The following ADAMTSL1 variants were observed in gnomAD, a reference collection of about 807,000 sequenced individuals.
ADAMTSL1 encodes the protein ADAMTS-like protein 1.
Under a neutral mutation model 201.8 loss-of-function variants are expected in ADAMTSL1, and 126 were observed. The ratio of observed to expected loss-of-function variants is 0.62; its 90% CI spans 0.54 to 0.72. The LOEUF is 0.72. Ranked by LOEUF, ADAMTSL1 falls within the 30% of genes least tolerant of loss-of-function variation. The pLI is 0.00. For missense variants in ADAMTSL1, 2,679 were observed against 2,277.8 expected (o/e 1.18, Z -3.59); for synonymous variants, 1,121 against 903.4 (o/e 1.24, Z -4.32).
chr9:18,243,311 C>G (rs1056042168), intron 2 of ADAMTSL1, among the ~76,000 whole-genome samples: 1 of 152,024 alleles, frequency 6.6e-6, no homozygotes, highest in Non-Finnish European at 1.5e-5. Context: ...AAATATTACT[C>G]CTTCTTCTCT....
intron 2 of ADAMTSL1, among the ~76,000 whole-genome samples, chr9:18,168,137 AAG>A (rs1395366688): frequency 7.9e-5 from 12 of 151,878 alleles, no homozygotes; most frequent in Non-Finnish European, 1.6e-4. Flanking sequence ...TTAATACTTT[AAG>A]TTTTAGGATA....
chr9:18,781,085 G>A (rs138589331), intron 19 of ADAMTSL1, among the ~76,000 whole-genome samples: 53 of 152,144 alleles, frequency 3.5e-4, no homozygotes, highest in African/African-American at 1.3e-3. Context: ...TACCTTAATG[G>A]GCATTGAGAG....
chr9:18,602,926 T>C (rs1256633072), intron 4 of ADAMTSL1, among the ~76,000 whole-genome samples: 1 of 152,192 alleles, frequency 6.6e-6, no homozygotes, highest in East Asian at 1.9e-4. Context: ...GATACTTACT[T>C]TCTAAATACT....
chr9:18,302,314 A>G (rs1417758735), intron 2 of ADAMTSL1, among the ~76,000 whole-genome samples: 1 of 152,146 alleles, frequency 6.6e-6, no homozygotes, highest in Non-Finnish European at 1.5e-5. Flanking sequence ...CTCTCTGTCC[A>G]GCCCCACCCC....
intron 20 of ADAMTSL1, among the ~76,000 whole-genome samples, chr9:18,813,691 G>C (rs1440682015): frequency 6.6e-6 from 1 of 152,096 alleles, no homozygotes; most frequent in Non-Finnish European, 1.5e-5. Flanking sequence ...TACTGAATTT[G>C]TTTGTTCTAA....
intron 2 of ADAMTSL1, among the ~76,000 whole-genome samples, chr9:18,344,797 C>T (rs1028972314): frequency 6.6e-6 from 1 of 152,078 alleles, no homozygotes; most frequent in African/African-American, 2.4e-5. Context: ...GGCGCCAAGT[C>T]TAAACACACC....
chr9:17,920,382 AT>A (rs1826257838), intron 1 of ADAMTSL1, among the ~76,000 whole-genome samples: 1 of 152,166 alleles, frequency 6.6e-6, no homozygotes, highest in African/African-American at 2.4e-5. Flanking sequence ...GAACTGGCCT[AT>A]TTCATAGATT....
intron 2 of ADAMTSL1, among the ~76,000 whole-genome samples, chr9:18,208,109 A>G (rs963563756): frequency 2.6e-5 from 4 of 152,172 alleles, no homozygotes; most frequent in African/African-American, 9.7e-5. Context: ...TGTTAGGGGT[A>G]CAAAAATAGT....
chr9:18,513,211 A>C lies in ADAMTSL1; in HGVS notation c.191+8255A>C, dbSNP rs145647885. Among the ~76,000 whole-genome samples, 1,374 of 152,230 alleles carry C rather than the reference A, an allele frequency of 9.0e-3. 12 individuals are homozygous for C. Among genetic ancestry groups the C allele is most frequent in the Non-Finnish European group, 0.012 (837 of 68,018 alleles). On this transcript the variant is annotated intron_variant, in intron 2 of 28. Coordinates refer to ENST00000380548, the MANE Select transcript of ADAMTSL1 (RefSeq NM_001040272.6). Reference sequence around the variant, plus strand: ...CCAAATTTGAAGTGTTCTATACAGTATTGTTAACTACACCAGCAGTGCTGT... The same window carrying C: ...CCAAATTTGAAGTGTTCTATACAGTCTTGTTAACTACACCAGCAGTGCTGT...
intron 4 of ADAMTSL1, among the ~76,000 whole-genome samples, chr9:18,574,832 AT>A (rs1822606330): frequency 6.6e-6 from 1 of 152,176 alleles, no homozygotes; most frequent in South Asian, 2.1e-4. Context: ...AAAAGGTTTG[AT>A]TTCTGGTATC....
At chr9:17,989,933 T>C (rs967647564) in intron 1 of ADAMTSL1, among the ~76,000 whole-genome samples, 44 of 151,524 alleles carry the variant, frequency 2.9e-4, no homozygotes, top group African/African-American at 8.7e-4. Flanking sequence ...TTTTTTTTTT[T>C]CCCAAACGTA....
At chr9:18,709,075 A>G (rs536401505) in intron 14 of ADAMTSL1, among the ~76,000 whole-genome samples, 2 of 152,312 alleles carry the variant, frequency 1.3e-5, no homozygotes, top group African/African-American at 4.8e-5. Context: ...AAGTTACTGA[A>G]ATCTCTTAGG....
chr9:18,039,178 A>G (rs1323415976), intron 1 of ADAMTSL1, among the ~76,000 whole-genome samples: 2 of 152,308 alleles, frequency 1.3e-5, no homozygotes, highest in South Asian at 2.1e-4. Context: ...CTGTGTTGCA[A>G]TAGAATGATT....
chr9:18,016,677 C>T (rs1820273405), intron 1 of ADAMTSL1, among the ~76,000 whole-genome samples: 1 of 152,024 alleles, frequency 6.6e-6, no homozygotes, highest in Admixed American at 6.6e-5. Context: ...CATTTTTAGA[C>T]TGAATCTCCC....
chr9:18,620,280 A>G (rs1825958457), intron 4 of ADAMTSL1, among the ~76,000 whole-genome samples: 1 of 151,918 alleles, frequency 6.6e-6, no homozygotes, highest in African/African-American at 2.4e-5. Flanking sequence ...TTTCATGATT[A>G]TCATTTTACA....
At chr9:18,118,075 T>C (rs778912853) in intron 1 of ADAMTSL1, among the ~76,000 whole-genome samples, 4 of 152,212 alleles carry the variant, frequency 2.6e-5, no homozygotes, top group Non-Finnish European at 4.4e-5. Flanking sequence ...AATAAATTCC[T>C]ATAGAAACAT....
intron 1 of ADAMTSL1, among the ~76,000 whole-genome samples, chr9:18,140,197 G>A (rs904069274): frequency 6.6e-6 from 1 of 152,022 alleles, no homozygotes; most frequent in African/African-American, 2.4e-5. Flanking sequence ...TAAATACAAA[G>A]TAAAAGAAGC....
chr9:18,781,191 GC>G (rs61294820), intron 19 of ADAMTSL1, among the ~76,000 whole-genome samples: 4,600 of 152,190 alleles, frequency 0.03, 249 homozygotes, highest in African/African-American at 0.1. Context: ...AAAGCACTGG[GC>G]CTAGGCAAGC....
intron 2 of ADAMTSL1, among the ~76,000 whole-genome samples, chr9:18,525,713 T>C (rs538060147): frequency 2.0e-5 from 3 of 152,212 alleles, no homozygotes; most frequent in Non-Finnish European, 4.4e-5. Context: ...CCAGTAGTCA[T>C]TCAGGAGCAG....
Sources: allele counts gnomAD v4.1 joint callset (sites outside exome capture counted in the v4.1 genomes callset), GRCh38; gene constraint gnomAD v4.1.1; transcripts MANE v1.5; gene names NCBI Gene and HGNC (gene_info 2026-07-23, HGNC 2026-07-21).